GNB1: variants seen among roughly 807,000 people sequenced by gnomAD.
GNB1 encodes guanine nucleotide-binding protein G(I)/G(S)/G(T) subunit beta-1.
GNB1 carries 2 observed loss-of-function variants against 42.9 expected under a neutral mutation model. The observed-to-expected ratio is 0.05, with a 90% CI of 0.02 to 0.15. The LOEUF is 0.15. Ranked by LOEUF, GNB1 falls within the 10% of genes least tolerant of loss-of-function variation. The pLI, the probability that GNB1 is intolerant of heterozygous loss-of-function variation, is 1.00. For synonymous variants in GNB1, 183 were observed against 174.7 expected, an observed-to-expected ratio of 1.05 and a Z score of -0.38; for missense variants, 193 against 462.2, an observed-to-expected ratio of 0.42 and a Z score of 5.34.
chr1:1,798,954 C>T (rs543329549), intron 7 of GNB1, among the ~76,000 whole-genome samples: 20 of 150,654 alleles, frequency 1.3e-4, no homozygotes, highest in African/African-American at 4.6e-4. Flanking sequence ...CGGAGTCTCG[C>T]TGTCGCCCAG....
At chr1:1,853,104 C>T (rs1465865845) in intron 1 of GNB1, among the ~76,000 whole-genome samples, 2 of 152,136 alleles carry the variant, frequency 1.3e-5, no homozygotes, top group African/African-American at 4.8e-5. Flanking sequence ...CCTTTCCCCT[C>T]CTGCCCCTGT....
At chr1:1,788,968 T>G (rs1436549618) in intron 10 of GNB1, 85 bp downstream of exon 10, 15 of 971,108 alleles carry the variant, frequency 1.5e-5, no homozygotes, top group South Asian at 5.5e-5. Flanking sequence ...ACTAAAACAC[T>G]GCAGCTTATG....
chr1:1,864,831 A>G (rs1648834948), intron 1 of GNB1, among the ~76,000 whole-genome samples: 1 of 152,234 alleles, frequency 6.6e-6, no homozygotes, highest in Non-Finnish European at 1.5e-5. Context: ...GCTGATGCAC[A>G]TCTCCTCTTT....
intron 1 of GNB1, among the ~76,000 whole-genome samples, chr1:1,844,643 C>G (rs1647521274): frequency 6.6e-6 from 1 of 152,160 alleles, no homozygotes; most frequent in African/African-American, 2.4e-5. Flanking sequence ...ATGATTTCTT[C>G]TCTATCAACA....
At chr1:1,870,301 A>C (rs948260180) in intron 1 of GNB1, among the ~76,000 whole-genome samples, 4 of 152,098 alleles carry the variant, frequency 2.6e-5, no homozygotes, top group Admixed American at 2.0e-4. Context: ...CAGCCATCCC[A>C]GTAGCTAGGA....
At chr1:1,864,598 TG>T (rs1427936883) in intron 1 of GNB1, among the ~76,000 whole-genome samples, 1 of 152,156 alleles carries the variant, frequency 6.6e-6, no homozygotes, top group Non-Finnish European at 1.5e-5. Context: ...AACAGAAACC[TG>T]ACATTCCTGC....
intron 7 of GNB1, among the ~76,000 whole-genome samples, chr1:1,795,951 G>GT (rs1216373250): frequency 6.6e-6 from 1 of 152,062 alleles, no homozygotes. Context: ...AAGGACAAGG[G>GT]GAATGACCGA....
chr1:1,845,870 C>CGT (rs1362542359), intron 1 of GNB1, among the ~76,000 whole-genome samples: 6 of 137,672 alleles, frequency 4.4e-5, no homozygotes, highest in Non-Finnish European at 9.6e-5. Flanking sequence ...CACACACACA[C>CGT]ACGTATATCT....
chr1:1,803,173 AG>A (rs1377747452), intron 7 of GNB1, among the ~76,000 whole-genome samples: 2 of 152,224 alleles, frequency 1.3e-5, no homozygotes, highest in African/African-American at 4.8e-5. Flanking sequence ...ACAGCCAGAG[AG>A]GTAAAATATT....
chr1:1,789,678 A>T (rs965325213), intron 9 of GNB1, among the ~76,000 whole-genome samples: 4 of 145,954 alleles, frequency 2.7e-5, no homozygotes, highest in Non-Finnish European at 6.0e-5. Flanking sequence ...CTGGGCAACA[A>T]GAGCAAAACT....
intron 1 of GNB1, among the ~76,000 whole-genome samples, chr1:1,850,385 G>A (rs2101490706): frequency 6.6e-6 from 1 of 151,866 alleles, no homozygotes; most frequent in Non-Finnish European, 1.5e-5. Flanking sequence ...GCCCACCTCG[G>A]CCTCCCCAAA....
intron 1 of GNB1, among the ~76,000 whole-genome samples, chr1:1,843,431 T>C (rs1647434816): frequency 6.6e-6 from 1 of 152,100 alleles, no homozygotes; most frequent in Admixed American, 6.6e-5. Flanking sequence ...CTTGCCATAC[T>C]GCGCAGGCTG....
At chr1:1,796,698 A>G (rs1646551225) in intron 7 of GNB1, among the ~76,000 whole-genome samples, 1 of 152,232 alleles carries the variant, frequency 6.6e-6, no homozygotes, top group Admixed American at 6.5e-5. Context: ...GACCCTGAAC[A>G]AAAGTGTGCA....
intron 1 of GNB1, among the ~76,000 whole-genome samples, chr1:1,889,659 T>TAAAAA (rs35173217): frequency 1.7e-5 from 2 of 115,308 alleles, no homozygotes; most frequent in Non-Finnish European, 3.6e-5. Context: ...TCCCATCTCT[T>TAAAAA]AAAAAAAAAA....
chr1:1,865,289 C>A (rs55899514), intron 1 of GNB1, among the ~76,000 whole-genome samples: 1,868 of 137,326 alleles, frequency 0.014, 36 homozygotes, highest in African/African-American at 0.042. Flanking sequence ...CAAAAAAAAA[C>A]CAAAAAAAAA....
chr1:1,876,592 T>G (rs1169532356), intron 1 of GNB1, among the ~76,000 whole-genome samples: 4 of 152,050 alleles, frequency 2.6e-5, no homozygotes, highest in Non-Finnish European at 5.9e-5. Flanking sequence ...CTATGTTGCC[T>G]AGGCTGGTCT....
rs1023603444 is a variant in GNB1, at chr1:1,849,890, A to G, written c.-95-10652T>C. Among the ~76,000 whole-genome samples, 20 of 152,206 alleles carry G rather than the reference A, an allele frequency of 1.3e-4. No homozygotes were observed. In the East Asian group the frequency reaches 3.7e-3, roughly 28 times the overall value. On this transcript the variant is annotated intron_variant, in intron 1 of 11. Transcript: ENST00000378609. The stretch of plus-strand genomic sequence containing the variant: ...AAATTCTCAACCATTAGCTCTTTGA[A>G]TATTTCTTCTGCCCCGTTTTCTTCC...
intron 1 of GNB1, among the ~76,000 whole-genome samples, chr1:1,852,775 T>TAC (rs1648063985): frequency 6.6e-6 from 1 of 151,436 alleles, no homozygotes; most frequent in African/African-American, 2.4e-5. Flanking sequence ...GGGCCTACCC[T>TAC]ACACTCAGGA....
At chr1:1,820,400 T>C (rs146010372) in intron 3 of GNB1, among the ~76,000 whole-genome samples, 191 of 149,488 alleles carry the variant, frequency 1.3e-3, no homozygotes, top group Middle Eastern at 3.4e-3. Context: ...CTGAGATTAT[T>C]ATAAATATAC....
Sources: allele counts gnomAD v4.1 joint callset (sites outside exome capture counted in the v4.1 genomes callset), GRCh38; gene constraint gnomAD v4.1.1; transcripts MANE v1.5; gene names NCBI Gene and HGNC (gene_info 2026-07-23, HGNC 2026-07-21).